The following KIF3C variants were observed in gnomAD, a reference collection of about 807,000 sequenced individuals.
KIF3C encodes the protein kinesin-like protein KIF3C.
KIF3C carries 12 observed loss-of-function variants against 67.7 expected under a neutral mutation model. The ratio of observed to expected loss-of-function variants is 0.18; its 90% CI spans 0.11 to 0.29. The LOEUF is 0.29. Among genes scored for constraint, KIF3C ranks in the 10% least tolerant of loss-of-function variants. The pLI, the probability that KIF3C is intolerant of heterozygous loss-of-function variation, is 1.00. For synonymous variants in KIF3C, 393 were observed against 426.2 expected (o/e 0.92, Z 0.96); for missense variants, 789 against 1,059.6 (o/e 0.74, Z 3.55).
intron 5 of KIF3C, among the ~76,000 whole-genome samples, chr2:25,938,685 C>T (rs1181041845): frequency 6.6e-6 from 1 of 152,102 alleles, no homozygotes; most frequent in Non-Finnish European, 1.5e-5. Context: ...CCCTCTTCTG[C>T]CCCAGGCCTA....
At chr2:25,944,906 G>A (rs1189812208) in intron 5 of KIF3C, among the ~76,000 whole-genome samples, 1 of 152,092 alleles carries the variant, frequency 6.6e-6, no homozygotes, top group Non-Finnish European at 1.5e-5. Context: ...TGAGGTGAGT[G>A]GATCACCTGA....
At chr2:25,931,596 G>C (rs932520059) in intron 5 of KIF3C, among the ~76,000 whole-genome samples, 1 of 152,072 alleles carries the variant, frequency 6.6e-6, no homozygotes, top group Non-Finnish European at 1.5e-5. Flanking sequence ...AGAAAGGACT[G>C]ATTGAAGGCT....
intron 2 of KIF3C, 37 bp downstream of exon 2, chr2:25,956,304 CCA>C: frequency 1.4e-6 from 2 of 1,466,820 alleles, no homozygotes; most frequent in East Asian, 4.5e-5. Flanking sequence ...GAGCTGCAGG[CCA>C]CACTCTCCAA....
At chr2:25,964,489 C>T (rs897246017) in intron 1 of KIF3C, among the ~76,000 whole-genome samples, 10 of 151,928 alleles carry the variant, frequency 6.6e-5, no homozygotes, top group South Asian at 2.1e-4. Flanking sequence ...CCATTAGAGA[C>T]GGGGTCTTGC....
At position 25,981,854 on chromosome 2, in the gene KIF3C, T is replaced by A; in HGVS notation, c.64A>T (p.Arg22Trp). 6.2e-7 allele frequency: 1 copy of A among 1,603,722 alleles called. No individual in the cohort carries two copies. Among genetic ancestry groups the A allele is most frequent in the Non-Finnish European group, 8.5e-7 (1 of 1,174,790 alleles). Residue 22 changes from arginine to tryptophan, a missense_variant, in exon 1 of 8, where the codon AGG becomes TGG. Arg to Trp is a moderately radical substitution (Grantham distance 101, BLOSUM62 -3). This residue lies in a region of KIF3C where 141 missense variants were observed against 251.8 expected (regional missense o/e 0.56). Transcript: ENST00000264712. This position sits in a 1 kb window ranked among gnomAD's most constrained non-coding sequence, Gnocchi z 8.2. ...KVVARCRPLS[R>W]KEEAAGHEQI... ...TCGTGACCAGCAGCCTCCTCCTTCC[T>A]GCTGAGGGGGCGGCACCGGGCCACC...
Position 25,928,982 on chromosome 2 carries a change from T to C in KIF3C, c.2378A>G (p.Glu793Gly). Residue 793 changes from glutamate (E) to glycine (G), a missense_variant, in exon 8 of 8, where the codon GAG (glutamate) becomes GGG (glycine). Physicochemically the swap from Glu to Gly is moderately conservative, Grantham distance 98. Coordinates refer to ENST00000264712, the MANE Select transcript of KIF3C (RefSeq NM_002254.8). ...SLRPATVADH[E>G] Reference sequence around the variant, plus strand: ...GGCAGCCTGACGTGATGGTTGTCACTCATGGTCCGCCACTGTTGCAGGGCG... The same window carrying C: ...GGCAGCCTGACGTGATGGTTGTCACCCATGGTCCGCCACTGTTGCAGGGCG... 1 of 1,612,958 alleles carries C rather than the reference T, an allele frequency of 6.2e-7. No individual in the cohort carries two copies. Among genetic ancestry groups the C allele is most frequent in the Non-Finnish European group, 8.5e-7 (1 of 1,179,750 alleles).
intron 1 of KIF3C, among the ~76,000 whole-genome samples, chr2:25,965,284 G>A (rs767066875): frequency 7.9e-5 from 12 of 152,250 alleles, no homozygotes; most frequent in Non-Finnish European, 1.5e-4. Context: ...CAGTCCAGGT[G>A]CAGGGTCTCT....
At chr2:25,936,587 C>T (rs1354450156) in intron 5 of KIF3C, among the ~76,000 whole-genome samples, 17 of 152,134 alleles carry the variant, frequency 1.1e-4, no homozygotes, top group Admixed American at 1.1e-3. Flanking sequence ...AAGAATGCTG[C>T]TGTGAACATT....
intron 3 of KIF3C, 55 bp from the exon 4 acceptor site, chr2:25,954,440 G>A (rs1347863077): frequency 1.8e-5 from 24 of 1,364,880 alleles, no homozygotes; most frequent in Non-Finnish European, 2.5e-5. Context: ...CGAGGCCCCA[G>A]TCACCCAGCC....
Position 25,954,283 on chromosome 2 carries a change from G to A in KIF3C, c.1873C>T (p.Arg625Cys). Residue 625 changes from arginine (R) to cysteine (C), a missense_variant, in exon 4 of 8, where the codon CGC (arginine) becomes TGC (cysteine). Coordinates refer to ENST00000264712, the MANE Select transcript of KIF3C (RefSeq NM_002254.8). ...DLEEAQNEQT[R>C]ELKLKYLIIE... ...GGGCCCTACTTGAGCTTGAGTTCGC[G>A]GGTCTGCTCGTTCTGCGCCTCCTCC... is the stretch of plus-strand genomic sequence containing the variant. 1 of 1,613,848 alleles carries A rather than the reference G, an allele frequency of 6.2e-7. No homozygotes were observed.
At chr2:25,960,086 G>T (rs966774296) in intron 1 of KIF3C, among the ~76,000 whole-genome samples, 1 of 152,106 alleles carries the variant, frequency 6.6e-6, no homozygotes, top group African/African-American at 2.4e-5. Flanking sequence ...ATCACTGCAT[G>T]TTAGAAACAC....
Position 25,980,657 on chromosome 2 carries a change from A to T in KIF3C, c.1261T>A (p.Tyr421Asn). 1 of 1,613,890 alleles carries T rather than the reference A, an allele frequency of 6.2e-7. No homozygotes were observed. Among genetic ancestry groups the T allele is most frequent in the Non-Finnish European group, 8.5e-7 (1 of 1,179,992 alleles). The stretch of plus-strand genomic sequence containing the variant: ...GCCTCAATCACTGGGCCCTCAGGGT[A>T]CCCAGGCGGGGCGGACACGGCCTTC... The part of the protein sequence containing the change: ...RKKAVSAPPG[Y>N]PEGPVIEAWV... Residue 421 changes from tyrosine (Y) to asparagine (N), a missense_variant, in exon 1 of 8, where the codon TAC (tyrosine) becomes AAC (asparagine). Tyr to Asn is a moderately radical substitution (Grantham distance 143, BLOSUM62 -2). Around this residue, in one of 2 missense-constraint regions of KIF3C, gnomAD observed 648 missense variants for 807.8 expected, o/e 0.80. Coordinates refer to ENST00000264712, the MANE Select transcript of KIF3C (RefSeq NM_002254.8). The surrounding 1 kb of genome is among the most constrained non-coding windows in gnomAD (Gnocchi z 7.6).
intron 3 of KIF3C, among the ~76,000 whole-genome samples, chr2:25,954,731 C>CGG (rs1411094926): frequency 4.7e-5 from 7 of 148,584 alleles, no homozygotes; most frequent in Admixed American, 4.7e-4. Context: ...TGCTCAAGGT[C>CGG]ACACAACCAG....
At chr2:25,954,495 G>A in intron 3 of KIF3C, 110 bp from the exon 4 acceptor site, 1 of 770,104 alleles carries the variant, frequency 1.3e-6, no homozygotes, top group East Asian at 2.7e-5. Context: ...CTCAGCCCAG[G>A]ATGAGGCTGC....
intron 5 of KIF3C, among the ~76,000 whole-genome samples, chr2:25,946,392 TA>T (rs929939764): frequency 5.0e-4 from 75 of 151,438 alleles, no homozygotes; most frequent in African/African-American, 1.8e-3. Context: ...CCATCTCTAC[TA>T]AAAATATAAA....
intron 5 of KIF3C, among the ~76,000 whole-genome samples, 153 bp from the exon 6 acceptor site, chr2:25,930,216 C>T (rs2090447983): frequency 6.6e-6 from 1 of 152,244 alleles, no homozygotes; most frequent in South Asian, 2.1e-4. Flanking sequence ...AGCTTGACAA[C>T]TGAAGCTAGT....
intron 1 of KIF3C, among the ~76,000 whole-genome samples, chr2:25,964,355 C>T (rs1347146913): frequency 2.6e-5 from 4 of 152,032 alleles, no homozygotes; most frequent in South Asian, 2.1e-4. Flanking sequence ...GATATAAAAT[C>T]GAGCCTCTGC....
At chr2:25,936,044 G>A (rs978915123) in intron 5 of KIF3C, among the ~76,000 whole-genome samples, 27 of 151,094 alleles carry the variant, frequency 1.8e-4, no homozygotes, top group African/African-American at 5.8e-4. Flanking sequence ...CCAACATCAC[G>A]CCACTACACT....
intron 5 of KIF3C, among the ~76,000 whole-genome samples, chr2:25,948,354 A>G (rs1227120035): frequency 6.6e-6 from 1 of 152,078 alleles, no homozygotes; most frequent in Admixed American, 6.6e-5. Context: ...GGACCTCACG[A>G]CCAGCCTAGG....
Sources: allele counts gnomAD v4.1 joint callset (sites outside exome capture counted in the v4.1 genomes callset), GRCh38; gene constraint gnomAD v4.1.1; regional missense constraint gnomAD v4.1.1; non-coding constraint Gnocchi (gnomAD v3.1); transcripts MANE v1.5; gene names NCBI Gene and HGNC (gene_info 2026-07-23, HGNC 2026-07-21).